ELP4: variants seen among roughly 807,000 people sequenced by gnomAD.
The protein encoded by ELP4 is elongator complex protein 4.
Under a neutral mutation model 48.9 loss-of-function variants are expected in ELP4, and 51 were observed. That is an observed-to-expected ratio of 1.04 (90% CI 0.83 to 1.32). The LOEUF is 1.32. Ranked by LOEUF, ELP4 falls within the 40% of genes most tolerant of loss-of-function variation. The pLI, the probability that ELP4 is intolerant of heterozygous loss-of-function variation, is 0.00. For missense variants in ELP4, 519 were observed against 514.6 expected (o/e 1.01, Z -0.08); for synonymous variants, 210 against 189.2 (o/e 1.11, Z -0.90).
intron 9 of ELP4, among the ~76,000 whole-genome samples, chr11:31,678,486 C>T (rs1387413314): frequency 7.5e-6 from 1 of 132,836 alleles, no homozygotes; most frequent in Non-Finnish European, 1.6e-5. Flanking sequence ...TTATTGCATA[C>T]ATATATGTAT....
At chr11:31,770,576 A>G (rs547072172) in intron 9 of ELP4, among the ~76,000 whole-genome samples, 1 of 151,576 alleles carries the variant, frequency 6.6e-6, no homozygotes, top group East Asian at 1.9e-4. Flanking sequence ...AAAAAAAAAA[A>G]AAAATAGAAA....
At chr11:31,518,477 A>G (rs898417531) in intron 1 of ELP4, among the ~76,000 whole-genome samples, 1 of 147,012 alleles carries the variant, frequency 6.8e-6, no homozygotes, top group Non-Finnish European at 1.5e-5. Flanking sequence ...TTTCATGATT[A>G]TATTACCATA....
chr11:31,676,739 A>T (rs772866834), intron 9 of ELP4, among the ~76,000 whole-genome samples: 6 of 152,180 alleles, frequency 3.9e-5, no homozygotes, highest in Non-Finnish European at 8.8e-5. Context: ...TCTCAGAGAG[A>T]TAAAGAGGCT....
intron 4 of ELP4, among the ~76,000 whole-genome samples, chr11:31,600,986 A>G (rs1957769998): frequency 1.3e-5 from 2 of 152,180 alleles, no homozygotes; most frequent in South Asian, 4.1e-4. Context: ...ACTTCCACAG[A>G]CGACAAAGTC....
intron 9 of ELP4, chr11:31,780,886 G>C (rs1172698051): frequency 6.6e-6 from 1 of 152,166 alleles, no homozygotes; most frequent in African/African-American, 2.4e-5. Flanking sequence ...AGATATATTG[G>C]TTCTCCTGTT....
chr11:31,781,431 C>G (rs781776560), intron 9 of ELP4, among the ~76,000 whole-genome samples: 2 of 148,214 alleles, frequency 1.3e-5, no homozygotes, highest in Non-Finnish European at 3.0e-5. Context: ...ATTAACCCTA[C>G]ACAGACATTT....
chr11:31,611,041 T>G (rs187435314), intron 5 of ELP4, among the ~76,000 whole-genome samples: 2 of 152,326 alleles, frequency 1.3e-5, no homozygotes, highest in African/African-American at 4.8e-5. Context: ...CTAGCCTACA[T>G]TACCCACATT....
intron 5 of ELP4, among the ~76,000 whole-genome samples, chr11:31,605,416 T>C (rs2134004885): frequency 6.6e-6 from 1 of 152,182 alleles, no homozygotes; most frequent in Admixed American, 6.6e-5. Context: ...ACATAGAAGC[T>C]TGCGAAATAG....
chr11:31,668,834 A>T (rs1308136992), intron 9 of ELP4, among the ~76,000 whole-genome samples: 2 of 151,980 alleles, frequency 1.3e-5, no homozygotes, highest in Non-Finnish European at 2.9e-5. Flanking sequence ...ACTTACAAGG[A>T]CTAATTATGT....
chr11:31,618,852 A>C (rs1944553322), intron 5 of ELP4, among the ~76,000 whole-genome samples: 1 of 152,086 alleles, frequency 6.6e-6, no homozygotes, highest in African/African-American at 2.4e-5. Context: ...GTACACTTTC[A>C]GTGGGTGAAT....
intron 9 of ELP4, among the ~76,000 whole-genome samples, chr11:31,695,671 G>T (rs1408302015): frequency 6.6e-6 from 1 of 150,816 alleles, no homozygotes; most frequent in Non-Finnish European, 1.5e-5. Flanking sequence ...TCAGGATGAT[G>T]CTGGCCTCAT....
rs901080231 is a variant in ELP4 at position 31,581,943 on chromosome 11, A to G, written c.382-12827A>G. Among the ~76,000 whole-genome samples, 90 of 151,974 alleles carry G rather than the reference A, an allele frequency of 5.9e-4. 1 individual carries two copies. Among genetic ancestry groups the G allele is most frequent in the Admixed American group, 5.9e-3 (90 of 15,242 alleles). On this transcript the variant is annotated intron_variant, in intron 3 of 9. Coordinates refer to ENST00000640961, the MANE Select transcript of ELP4 (RefSeq NM_019040.5). ...AATTCTTTTATTTTTTTGTAGAGAA[A>G]GGATCTCACTGTTTTGCCCAGGCTG...
chr11:31,736,988 A>G (rs1257231248), intron 9 of ELP4, among the ~76,000 whole-genome samples: 1 of 152,242 alleles, frequency 6.6e-6, no homozygotes, highest in Non-Finnish European at 1.5e-5. Flanking sequence ...AAGGATTACA[A>G]AGCATGCTGC....
chr11:31,661,792 G>A (rs1945561724), intron 9 of ELP4, among the ~76,000 whole-genome samples: 1 of 152,026 alleles, frequency 6.6e-6, no homozygotes, highest in South Asian at 2.1e-4. Flanking sequence ...AAAAATATCA[G>A]CTAATAAGAT....
intron 9 of ELP4, among the ~76,000 whole-genome samples, chr11:31,741,069 A>C (rs1287769907): frequency 6.6e-6 from 1 of 152,088 alleles, no homozygotes; most frequent in African/African-American, 2.4e-5. Flanking sequence ...ATGGGCTTAA[A>C]AAGTGGCACA....
chr11:31,569,655 G>A (rs887787418), intron 3 of ELP4, among the ~76,000 whole-genome samples: 2 of 152,162 alleles, frequency 1.3e-5, no homozygotes, highest in Non-Finnish European at 2.9e-5. Context: ...GAACCTGGGA[G>A]GCGGAGGTTG....
At chr11:31,726,882 CAATA>C (rs955714790) in intron 9 of ELP4, among the ~76,000 whole-genome samples, 2 of 152,042 alleles carry the variant, frequency 1.3e-5, no homozygotes, top group African/African-American at 2.4e-5. Flanking sequence ...CTATAATAAA[CAATA>C]AACAGAAACA....
At chr11:31,625,284 A>G (rs913787129) in intron 5 of ELP4, among the ~76,000 whole-genome samples, 14 of 151,752 alleles carry the variant, frequency 9.2e-5, no homozygotes, top group Non-Finnish European at 2.1e-4. Context: ...CATTGACCAA[A>G]ACGTCCCTAT....
At chr11:31,698,985 T>C (rs1946467115) in intron 9 of ELP4, among the ~76,000 whole-genome samples, 1 of 152,168 alleles carries the variant, frequency 6.6e-6, no homozygotes, top group South Asian at 2.1e-4. Flanking sequence ...AAATAAATGG[T>C]CATGATTATA....
Sources: gnomAD v4.1 joint callset for allele counts (sites outside exome capture counted in the v4.1 genomes callset) on GRCh38, gnomAD v4.1.1 for gene constraint, MANE v1.5 for transcripts, NCBI Gene and HGNC (gene_info 2026-07-23, HGNC 2026-07-21) for gene names.